The following ALK variants were observed in gnomAD, a reference collection of about 807,000 sequenced individuals.
ALK encodes ALK tyrosine kinase receptor.
A neutral mutation model predicts 163.1 loss-of-function variants in ALK; 74 were observed. The ratio of observed to expected loss-of-function variants is 0.45; its 90% CI spans 0.38 to 0.55. ALK has a LOEUF of 0.55. ALK is among the 20% of genes least tolerant of loss of function. The pLI, the probability that ALK is intolerant of heterozygous loss-of-function variation, is 0.00. For missense variants in ALK, 2,063 were observed against 2,105.3 expected (o/e 0.98, Z 0.39); for synonymous variants, 960 against 843.2 (o/e 1.14, Z -2.40).
intron 4 of ALK, among the ~76,000 whole-genome samples, chr2:29,523,867 T>C (rs934405897): frequency 0.34 from 18,306 of 53,436 alleles, 2,626 homozygotes; most frequent in East Asian, 0.61. Flanking sequence ...GGTTTTTTTT[T>C]TTTTTTTTTT....
At chr2:29,509,425 A>T (rs1211869029) in intron 4 of ALK, among the ~76,000 whole-genome samples, 1 of 152,202 alleles carries the variant, frequency 6.6e-6, no homozygotes, top group Non-Finnish European at 1.5e-5. Flanking sequence ...AGCTTTCTGT[A>T]CTTGCTTGTA....
chr2:29,320,717 G>A, intron 7 of ALK, 34 bp downstream of exon 7: 2 of 1,612,402 alleles, frequency 1.2e-6, no homozygotes, highest in Non-Finnish European at 8.5e-7. Context: ...GCATGAAGAT[G>A]GGCACCAGAG....
At chr2:29,621,250 AC>A (rs1676030232) in intron 3 of ALK, among the ~76,000 whole-genome samples, 2 of 152,164 alleles carry the variant, frequency 1.3e-5, no homozygotes, top group Non-Finnish European at 2.9e-5. Flanking sequence ...GAAAAAAAAA[AC>A]AACACTGTCT....
intron 5 of ALK, among the ~76,000 whole-genome samples, chr2:29,381,333 A>G (rs773430740): frequency 2.0e-5 from 3 of 152,374 alleles, no homozygotes; most frequent in Non-Finnish European, 2.9e-5. Context: ...ATTAGTCCAT[A>G]TCAACTGAGA....
At chr2:29,484,556 C>A (rs995640572) in intron 4 of ALK, among the ~76,000 whole-genome samples, 1 of 152,012 alleles carries the variant, frequency 6.6e-6, no homozygotes, top group Admixed American at 6.6e-5. Flanking sequence ...TTTTTAGATA[C>A]CCTAAATCAT....
At chr2:29,594,546 C>T (rs549366791) in intron 3 of ALK, among the ~76,000 whole-genome samples, 46 of 151,570 alleles carry the variant, frequency 3.0e-4, no homozygotes, top group African/African-American at 1.0e-3. Context: ...CTCCTGCCTC[C>T]GCCTCCTGAG....
At chr2:29,346,292 A>AG (rs896027123) in intron 5 of ALK, among the ~76,000 whole-genome samples, 1 of 152,168 alleles carries the variant, frequency 6.6e-6, no homozygotes, top group African/African-American at 2.4e-5. Flanking sequence ...CTATTTTCAG[A>AG]GGGGAAAAAA....
chr2:29,599,568 A>C (rs1419045628), intron 3 of ALK, among the ~76,000 whole-genome samples: 3 of 152,230 alleles, frequency 2.0e-5, no homozygotes, highest in Non-Finnish European at 4.4e-5. Context: ...CTGCAGTACA[A>C]TGCAGATTTT....
chr2:29,618,034 A>G (rs1248710094), intron 3 of ALK, among the ~76,000 whole-genome samples: 1 of 152,194 alleles, frequency 6.6e-6, no homozygotes, highest in African/African-American at 2.4e-5. Context: ...TCTGCCTGGC[A>G]CATCCCTCCG....
At chr2:29,775,947 A>G (rs973722179) in intron 1 of ALK, among the ~76,000 whole-genome samples, 1 of 152,198 alleles carries the variant, frequency 6.6e-6, no homozygotes, top group Non-Finnish European at 1.5e-5. Context: ...ACATGACATA[A>G]CCCAGGAAAC....
intron 9 of ALK, among the ~76,000 whole-genome samples, chr2:29,275,888 G>A (rs1009572290): frequency 1.3e-5 from 2 of 152,186 alleles, no homozygotes; most frequent in Non-Finnish European, 2.9e-5. Flanking sequence ...AAGGCACTGA[G>A]TTGGGGAAAA....
At chr2:29,249,520 T>G (rs1664763734) in intron 12 of ALK, among the ~76,000 whole-genome samples, 1 of 152,106 alleles carries the variant, frequency 6.6e-6, no homozygotes, top group African/African-American at 2.4e-5. Context: ...AGGCATGGGC[T>G]TTAGTAGAAA....
chr2:29,413,183 G>A lies in ALK; in HGVS notation c.1155-29324C>T, dbSNP rs949529242. 2.0e-5 allele frequency among the ~76,000 whole-genome samples: 3 copies of A among 152,134 alleles called. No homozygotes were observed. In the East Asian group the frequency reaches 5.8e-4, roughly 29 times the overall value. ...ACAAAACAACATGAGACTAAATCAA[G>A]CACAAGAGAAAACGACACCATCAAG... is the stretch of plus-strand genomic sequence containing the variant. On this transcript the variant is annotated intron_variant, in intron 4 of 28. Coordinates refer to ENST00000389048, the MANE Select transcript of ALK (RefSeq NM_004304.5).
chr2:29,228,087 G>T (rs1254210985), intron 16 of ALK, among the ~76,000 whole-genome samples: 1 of 152,174 alleles, frequency 6.6e-6, no homozygotes, highest in African/African-American at 2.4e-5. Context: ...TGCGGATTGC[G>T]GGAAATGAGC....
intron 3 of ALK, among the ~76,000 whole-genome samples, chr2:29,590,882 T>G (rs1367561182): frequency 1.3e-5 from 2 of 151,664 alleles, no homozygotes; most frequent in Non-Finnish European, 1.5e-5. Context: ...CCATCTTGGC[T>G]AACACGGTGA....
chr2:29,848,216 C>T lies in ALK; in HGVS notation c.667+71777G>A, dbSNP rs551170934. 3.9e-5 allele frequency among the ~76,000 whole-genome samples: 6 copies of T among 152,208 alleles called. No homozygotes were observed. The East Asian group carries it at 1.2e-3, about 30-fold the overall frequency. ...TAAGCAGTACAGTGGGACTTCAATT[C>T]TGATGTCAGTGCGAAAGGCAAAAAT... On this transcript the variant is annotated intron_variant, in intron 1 of 28. Coordinates refer to ENST00000389048, the MANE Select transcript of ALK (RefSeq NM_004304.5).
In ALK at chr2:29,213,230, C is replaced by G. The variant is rs933520321; in HGVS notation, c.3743+754G>C. The stretch of plus-strand genomic sequence containing the variant: ...GTCAGCTGAGAAAGTCATCAGCTTT[C>G]ACAAGGAAAGACATACATGATATAT... On this transcript the variant is annotated intron_variant, in intron 24 of 28. Coordinates refer to ENST00000389048, the MANE Select transcript of ALK (RefSeq NM_004304.5). 2.0e-5 allele frequency among the ~76,000 whole-genome samples: 3 copies of G among 152,162 alleles called. No homozygotes were observed. The South Asian group carries it at 6.2e-4, about 32-fold the overall frequency.
intron 25 of ALK, among the ~76,000 whole-genome samples, chr2:29,209,178 G>A (rs1014701096): frequency 3.3e-5 from 5 of 152,156 alleles, no homozygotes; most frequent in Admixed American, 6.5e-5. Context: ...TCCACATCAA[G>A]TATCCAAGTT....
chr2:29,876,747 A>G (rs1455610706), intron 1 of ALK, among the ~76,000 whole-genome samples: 1 of 150,566 alleles, frequency 6.6e-6, no homozygotes, highest in Non-Finnish European at 1.5e-5. Flanking sequence ...GATGGTAATG[A>G]TGATGGTGGT....
Sources: allele counts gnomAD v4.1 joint callset (sites outside exome capture counted in the v4.1 genomes callset), GRCh38; gene constraint gnomAD v4.1.1; transcripts MANE v1.5; gene names NCBI Gene and HGNC (gene_info 2026-07-23, HGNC 2026-07-21).